DNAH10: variants seen among roughly 807,000 people sequenced by gnomAD.
DNAH10 encodes dynein axonemal heavy chain 10, also known as axonemal beta dynein heavy chain 10.
In DNAH10, 348 loss-of-function variants were observed where a neutral mutation model predicts 506.6. The observed-to-expected ratio is 0.69, with a 90% CI of 0.63 to 0.75. The LOEUF is 0.75. Among genes scored for constraint, DNAH10 ranks in the 30% least tolerant of loss-of-function variants. The pLI is 0.00. For synonymous variants in DNAH10, 2,059 were observed against 2,198.6 expected (o/e 0.94, Z 1.78); for missense variants, 5,179 against 5,787.1 (o/e 0.89, Z 3.41).
intron 39 of DNAH10, among the ~76,000 whole-genome samples, chr12:123,862,615 T>A (rs76348138): frequency 0.013 from 1,989 of 152,212 alleles, 28 homozygotes; most frequent in Middle Eastern, 0.048. Context: ...TGTCTTGAAC[T>A]CCTGGGCCCA....
Position 123,928,586 on chromosome 12 carries a change from A to C in DNAH10, c.12305A>C (p.Lys4102Thr). The C allele has an allele frequency of 1.3e-6, 2 of 1,596,082 alleles. No individual in the cohort carries two copies. The highest frequency in any genetic ancestry group is 1.7e-6 in the Non-Finnish European group (2 of 1,171,288). The change falls in exon 70 of 79, where the codon AAG becomes ACG. Residue 4102 changes from lysine (K) to threonine (T), a missense_variant and splice_region_variant. Around this residue, in one of 3 missense-constraint regions of DNAH10, gnomAD observed 4,844 missense variants for 5,430.5 expected, o/e 0.89. Transcript: ENST00000673944. The surrounding 1 kb of genome is among the most constrained non-coding windows in gnomAD (Gnocchi z 4.9). ...FPIGILQKSLKVVTEPPNGLK... is the reference protein window; with the variant it reads ...FPIGILQKSLTVVTEPPNGLK... ...ATTGGGATTCTGCAGAAGTCCCTAA[A>C]GGTCTGGCTTCAGGATGGACATCAA...
At position 123,916,668 on chromosome 12, in the gene DNAH10, A is replaced by T; in HGVS notation, c.10934A>T (p.Asn3645Ile). The change falls in exon 63 of 79, where the codon AAC (asparagine) becomes ATC (isoleucine). Residue 3645 changes from asparagine to isoleucine, a missense_variant. Coordinates refer to ENST00000673944, the MANE Select transcript of DNAH10 (RefSeq NM_001372106.1). This position sits in a 1 kb window ranked among gnomAD's most constrained non-coding sequence, Gnocchi z 4.6. ...DYDSNFRLYL[N>I]TKLANPRYSP... ...GATTCAAATTTCAGACTGTACCTGA[A>T]CACCAAGCTGGCCAATCCCAGATAT... 6.2e-7 allele frequency: 1 copy of T among 1,613,904 alleles called. No homozygotes were observed. Among genetic ancestry groups the T allele is most frequent in the Non-Finnish European group, 8.5e-7 (1 of 1,179,876 alleles).
At position 123,798,514 on chromosome 12, in the gene DNAH10, G is replaced by A. The variant is rs556677929; in HGVS notation, c.2164-732G>A. Reference sequence around the variant, plus strand: ...AACCATTCACGAGAATTCCGCCTTCGTGATCCAGTTGCCTCCCAGCAGGCC... The same window carrying A: ...AACCATTCACGAGAATTCCGCCTTCATGATCCAGTTGCCTCCCAGCAGGCC... On this transcript the variant is annotated intron_variant, in intron 13 of 78. Transcript: ENST00000673944. Among the ~76,000 whole-genome samples the A allele has an allele frequency of 2.9e-3, 447 of 152,220 alleles. 5 individuals are homozygous for A. In the South Asian group the frequency reaches 0.035, roughly 12 times the overall value.
chr12:123,820,383 A>AT (rs1204599027), intron 23 of DNAH10, among the ~76,000 whole-genome samples, 197 bp from the exon 24 acceptor site: 1 of 152,064 alleles, frequency 6.6e-6, no homozygotes, highest in Non-Finnish European at 1.5e-5. Flanking sequence ...ATTAGGCACA[A>AT]TTTTCTAACT....
At chr12:123,812,347 A>C (rs1296090694) in intron 19 of DNAH10, among the ~76,000 whole-genome samples, 1 of 152,120 alleles carries the variant, frequency 6.6e-6, no homozygotes, top group African/African-American at 2.4e-5. Context: ...GCTACTCGGG[A>C]GGCTGAGGCA....
intron 19 of DNAH10, among the ~76,000 whole-genome samples, chr12:123,810,336 T>C (rs1288107218): frequency 2.0e-5 from 3 of 152,218 alleles, no homozygotes; most frequent in African/African-American, 7.2e-5. Flanking sequence ...TTTAGGGGCA[T>C]AAAAATAAGT....
At position 123,861,171 on chromosome 12, in the gene DNAH10, G is replaced by C; in HGVS notation, c.6908+1G>C. 1.9e-6 allele frequency: 3 copies of C among 1,613,630 alleles called. No homozygotes were observed. The South Asian group carries it at 3.3e-5, about 18-fold the overall frequency. On this transcript the variant is annotated splice_donor_variant, in intron 39 of 78. Transcript: ENST00000673944. LOFTEE classifies it high-confidence loss of function. ...AGCCAACAGACAAGAAGGAGCGAAAGTGAGTATCTTTGTAGGTAGGAAAGA... is the reference window on the plus strand; with the variant it reads ...AGCCAACAGACAAGAAGGAGCGAAACTGAGTATCTTTGTAGGTAGGAAAGA...
Position 123,785,787 on chromosome 12 carries a change from C to CAT in DNAH10, c.1273_1274dup (p.Pro426SerfsTer4), listed in dbSNP as rs1200586391. ...CTGGCTTCCACGTGGTCCTGGACAC[C>CAT]ATCCCCGCCATGATGAGTGCCCTGC... On this transcript the variant is annotated frameshift_variant, in exon 9 of 79. Coordinates refer to ENST00000673944, the MANE Select transcript of DNAH10 (RefSeq NM_001372106.1). LOFTEE classifies it high-confidence loss of function. This position sits in a 1 kb window ranked among gnomAD's most constrained non-coding sequence, Gnocchi z 4.1. The CAT allele has an allele frequency of 4.3e-6, 7 of 1,613,906 alleles. No homozygotes were observed. Among genetic ancestry groups the CAT allele is most frequent in the Non-Finnish European group, 5.9e-6 (7 of 1,179,918 alleles).
chr12:123,790,250 A>G, intron 11 of DNAH10, 129 bp downstream of exon 11: 1 of 940,388 alleles, frequency 1.1e-6, no homozygotes, highest in South Asian at 1.8e-5. Flanking sequence ...CTTATTAATT[A>G]TAAAAAACAA....
intron 39 of DNAH10, among the ~76,000 whole-genome samples, chr12:123,862,036 C>T (rs556310524): frequency 1.7e-4 from 26 of 152,258 alleles, no homozygotes; most frequent in Middle Eastern, 3.4e-3. Flanking sequence ...TGGGTTTGTC[C>T]GCTGCTTCTT....
chr12:123,777,163 G>C (rs1336535325), intron 5 of DNAH10, among the ~76,000 whole-genome samples: 3 of 152,206 alleles, frequency 2.0e-5, no homozygotes, highest in Non-Finnish European at 4.4e-5. Context: ...CCTCTACGCT[G>C]CCTTCTCCAC....
chr12:123,930,900 AT>A (rs1360283796), intron 73 of DNAH10, among the ~76,000 whole-genome samples: 1 of 152,050 alleles, frequency 6.6e-6, no homozygotes, highest in East Asian at 1.9e-4. Context: ...AAAACATGTC[AT>A]TGGCTGGTCA....
chr12:123,817,099 CTTTTTTT>C (rs755698934), intron 21 of DNAH10, among the ~76,000 whole-genome samples: 14 of 87,012 alleles, frequency 1.6e-4, no homozygotes, highest in African/African-American at 3.5e-4. Context: ...TCCAGTCTAA[CTTTTTTT>C]TTTTTTTTTT....
At position 123,934,021 on chromosome 12, in the gene DNAH10, G is replaced by A. The variant is rs368315579; in HGVS notation, c.13477+510G>A. 1.4e-4 allele frequency: 72 copies of A among 504,964 alleles called. 2 individuals carry two copies. The South Asian group carries it at 2.6e-3, about 18-fold the overall frequency. The allele number at this position is 504,964 out of a possible 1,614,324, so 31.3% of individuals were successfully genotyped here. On this transcript the variant is annotated intron_variant, in intron 77 of 78. Coordinates refer to ENST00000673944, the MANE Select transcript of DNAH10 (RefSeq NM_001372106.1). ...TGTCTTAGAGTTCTTTTAACTGCAA[G>A]GAACAAAAGCTCTTTTGAGATGGCT...
In DNAH10 at chr12:123,762,352, G is replaced by C; in HGVS notation, c.16G>C (p.Val6Leu). 1.5e-6 allele frequency: 2 copies of C among 1,354,368 alleles called. No homozygotes were observed. Among genetic ancestry groups the C allele is most frequent in the Non-Finnish European group, 1.9e-6 (2 of 1,050,968 alleles). 83.9% of individuals were successfully genotyped at this position (1,354,368 alleles called of 1,614,324 possible). The change falls in exon 1 of 79, where the codon GTG becomes CTG. Residue 6 changes from valine to leucine, a missense_variant. Val to Leu is a conservative substitution (Grantham distance 32, BLOSUM62 1). This residue lies in a region of DNAH10 where 326 missense variants were observed against 330.8 expected (regional missense o/e 0.99). Transcript: ENST00000673944. This position sits in a 1 kb window ranked among gnomAD's most constrained non-coding sequence, Gnocchi z 5.0. ...GCGCGGCGCCATGGACGACCTGCGG[G>C]TGCTGTGGATGCGCGACCGCGTGTA... The part of the protein sequence containing the change: MDDLR[V>L]LWMRDRVYAA...
intron 40 of DNAH10, 76 bp from the exon 41 acceptor site, chr12:123,865,875 A>T: frequency 7.1e-7 from 1 of 1,407,242 alleles, no homozygotes; most frequent in Non-Finnish European, 9.4e-7. Context: ...AAAACTTTCC[A>T]TAAGAGAAGG....
rs566483135 is a variant in DNAH10, at chr12:123,799,391, A to G, written c.2289+20A>G. The G allele has an allele frequency of 2.5e-6, 4 of 1,604,668 alleles. No homozygotes were observed. The African/African-American group carries it at 5.3e-5, about 21-fold the overall frequency. On this transcript the variant is annotated intron_variant, in intron 14 of 78. Coordinates refer to ENST00000673944, the MANE Select transcript of DNAH10 (RefSeq NM_001372106.1). Reference sequence around the variant, plus strand: ...ACCAAGGTGCGCTGCCCACGCCCTCATTCCCGATTGCCGCGTGAGACGATG... The same window carrying G: ...ACCAAGGTGCGCTGCCCACGCCCTCGTTCCCGATTGCCGCGTGAGACGATG...
At chr12:123,793,599 A>G (rs930338531) in intron 11 of DNAH10, among the ~76,000 whole-genome samples, 30 of 152,052 alleles carry the variant, frequency 2.0e-4, no homozygotes, top group African/African-American at 7.2e-4. Context: ...CGGCCTCCCA[A>G]AGTACTGGGA....
At chr12:123,875,098 C>T in intron 46 of DNAH10, 133 bp from the exon 47 acceptor site, 1 of 990,662 alleles carries the variant, frequency 1.0e-6, no homozygotes. Context: ...TTGAGAAGCC[C>T]CATGAAACTG....
Sources: allele counts gnomAD v4.1 joint callset (sites outside exome capture counted in the v4.1 genomes callset), GRCh38; gene constraint gnomAD v4.1.1; regional missense constraint gnomAD v4.1.1; non-coding constraint Gnocchi (gnomAD v3.1); transcripts MANE v1.5; gene names NCBI Gene and HGNC (gene_info 2026-07-23, HGNC 2026-07-21).